CEP85L: variants seen among roughly 807,000 people sequenced by gnomAD.
The protein encoded by CEP85L is centrosomal protein 85L.
In CEP85L, 60 loss-of-function variants were observed where a neutral mutation model predicts 100.3. The observed-to-expected ratio is 0.60, with a 90% CI of 0.49 to 0.74. The LOEUF is 0.74. Among genes scored for constraint, CEP85L ranks in the 30% least tolerant of loss-of-function variants. The probability of loss-of-function intolerance (pLI) is 0.00; values close to 1 mark genes in which losing one functional copy is unlikely to be tolerated. For synonymous variants in CEP85L, 319 were observed against 322.7 expected, an observed-to-expected ratio of 0.99 and a Z score of 0.12; for missense variants, 973 against 936.2, an observed-to-expected ratio of 1.04 and a Z score of -0.51.
intron 3 of CEP85L, among the ~76,000 whole-genome samples, chr6:118,530,679 A>C (rs1408861747): frequency 6.6e-6 from 1 of 152,216 alleles, no homozygotes; most frequent in African/African-American, 2.4e-5. Flanking sequence ...CTCAGAATAC[A>C]AAATCAATGA....
rs148472801 is a variant in CEP85L at position 118,507,354 on chromosome 6, A to C, written c.1257+3944T>G. Among the ~76,000 whole-genome samples the C allele has an allele frequency of 3.7e-3, 565 of 152,294 alleles. 3 individuals carry two copies. Among genetic ancestry groups the C allele is most frequent in the African/African-American group, 0.013 (539 of 41,562 alleles). On this transcript the variant is annotated intron_variant, in intron 5 of 12. Coordinates refer to ENST00000368491, the MANE Select transcript of CEP85L (RefSeq NM_001042475.3). Reference sequence around the variant, plus strand: ...TTCTGACCACTACAGATAAAATTCAAATGTTCACATAACTTTTGGACTATT... The same window carrying C: ...TTCTGACCACTACAGATAAAATTCACATGTTCACATAACTTTTGGACTATT...
At chr6:118,501,187 C>T (rs1775276616) in intron 5 of CEP85L, among the ~76,000 whole-genome samples, 1 of 152,244 alleles carries the variant, frequency 6.6e-6, no homozygotes, top group Non-Finnish European at 1.5e-5. Context: ...TTTCCACATA[C>T]TCTTTGTAGA....
chr6:118,514,620 C>T (rs548758018), intron 4 of CEP85L, among the ~76,000 whole-genome samples: 46 of 151,888 alleles, frequency 3.0e-4, no homozygotes, highest in African/African-American at 1.1e-3. Context: ...TAGATACTCC[C>T]AAACAAAAGG....
chr6:118,603,567 A>G (rs1771962574), intron 2 of CEP85L, among the ~76,000 whole-genome samples: 1 of 152,226 alleles, frequency 6.6e-6, no homozygotes, highest in Non-Finnish European at 1.5e-5. Context: ...TGTTCATAGG[A>G]GTACACTCAA....
intron 5 of CEP85L, among the ~76,000 whole-genome samples, chr6:118,507,830 G>A (rs539617343): frequency 6.6e-6 from 1 of 152,242 alleles, no homozygotes; most frequent in South Asian, 2.1e-4. Flanking sequence ...GCTTTTGGAA[G>A]ATTAGCTTCT....
At position 118,470,644 on chromosome 6, in the gene CEP85L, A is replaced by G; in HGVS notation, c.1915T>C (p.Ser639Pro). 1 of 1,562,506 alleles carries G rather than the reference A, an allele frequency of 6.4e-7. No individual in the cohort carries two copies. The stretch of plus-strand genomic sequence containing the variant: ...TCTTTAGAAAGCTTTCCTTGCATAG[A>G]CTAGAATTTTTAAAAAAATTGGAAA... ...EIDRMILEIQ[S>P]MQGKLSKEKL... The change falls in exon 11 of 13, where the codon TCT (serine) becomes CCT (proline). Residue 639 changes from serine to proline, a missense_variant and splice_region_variant. By Grantham distance (74) the Ser-to-Pro change is moderately conservative. Coordinates refer to ENST00000368491, the MANE Select transcript of CEP85L (RefSeq NM_001042475.3).
chr6:118,511,565 T>C, intron 4 of CEP85L, 150 bp from the exon 5 acceptor site: 1 of 547,608 alleles, frequency 1.8e-6, no homozygotes, highest in Non-Finnish European at 3.2e-6. Context: ...CATAGCTTGC[T>C]TTAAGCAAGT....
At chr6:118,576,543 A>T (rs1780244750) in intron 2 of CEP85L, among the ~76,000 whole-genome samples, 1 of 152,232 alleles carries the variant, frequency 6.6e-6, no homozygotes, top group South Asian at 2.1e-4. Flanking sequence ...ATGCTTGTCT[A>T]GTCTTACCTT....
intron 3 of CEP85L, among the ~76,000 whole-genome samples, chr6:118,561,740 T>C (rs1779235651): frequency 1.3e-5 from 2 of 152,236 alleles, no homozygotes; most frequent in African/African-American, 4.8e-5. Context: ...ATAATACACT[T>C]ACAATTGATA....
intron 3 of CEP85L, among the ~76,000 whole-genome samples, chr6:118,562,440 T>C (rs1441654139): frequency 6.6e-6 from 1 of 152,182 alleles, no homozygotes; most frequent in Non-Finnish European, 1.5e-5. Flanking sequence ...CATTGCACAC[T>C]GCAGCCTTGA....
At chr6:118,472,719 C>A (rs1357542031) in intron 10 of CEP85L, among the ~76,000 whole-genome samples, 1 of 152,086 alleles carries the variant, frequency 6.6e-6, no homozygotes, top group African/African-American at 2.4e-5. Context: ...AGTGTTTGGC[C>A]TTGTGAATTT....
Position 118,600,300 on chromosome 6 carries a change from G to GGGGGGT in CEP85L, c.232+32152_232+32153insACCCCC, listed in dbSNP as rs1562297733. On this transcript the variant is annotated intron_variant, in intron 2 of 12. Coordinates refer to ENST00000368491, the MANE Select transcript of CEP85L (RefSeq NM_001042475.3). ...CTGCCTGTCCCTGAGCCTTCCTGGG[G>GGGGGGT]GTGTGTGTGTGTGTGTGTGTGTGTG... Among the ~76,000 whole-genome samples the GGGGGGT allele has an allele frequency of 4.2e-4, 22 of 52,244 alleles. 2 individuals are homozygous for GGGGGGT. The highest frequency in any genetic ancestry group is 7.3e-4 in the Non-Finnish European group (18 of 24,780). 34.3% of individuals were successfully genotyped at this position (52,244 alleles called of 152,430 possible). A position where few individuals can be genotyped will look rare whatever the true frequency, so the allele number is the denominator to read the frequency against.
At chr6:118,555,687 T>C (rs970341389) in intron 3 of CEP85L, among the ~76,000 whole-genome samples, 3 of 152,158 alleles carry the variant, frequency 2.0e-5, no homozygotes, top group Non-Finnish European at 4.4e-5. Context: ...GGGGTATGTG[T>C]GAAGGTTTGT....
intron 3 of CEP85L, among the ~76,000 whole-genome samples, chr6:118,560,967 A>T (rs748655513): frequency 4.6e-5 from 7 of 152,222 alleles, no homozygotes; most frequent in Admixed American, 2.0e-4. Flanking sequence ...GTAATTAACC[A>T]TATCTTCTAA....
At chr6:118,475,479 G>C (rs747974984) in intron 10 of CEP85L, among the ~76,000 whole-genome samples, 6 of 150,586 alleles carry the variant, frequency 4.0e-5, no homozygotes, top group Non-Finnish European at 7.4e-5. Flanking sequence ...TCAGCCTCCT[G>C]AGTAGCTGGG....
chr6:118,637,187 A>G (rs1300895950), intron 1 of CEP85L, among the ~76,000 whole-genome samples: 2 of 152,250 alleles, frequency 1.3e-5, no homozygotes, highest in Non-Finnish European at 2.9e-5. Context: ...AATGACAGAG[A>G]AAATGGTCTA....
At chr6:118,602,897 T>C (rs1781856324) in intron 2 of CEP85L, among the ~76,000 whole-genome samples, 2 of 151,994 alleles carry the variant, frequency 1.3e-5, no homozygotes, top group Non-Finnish European at 1.5e-5. Context: ...CTCAGCTCAC[T>C]GCAACCTCCA....
chr6:118,478,678 TTG>T (rs1302114832), intron 10 of CEP85L, among the ~76,000 whole-genome samples: 19 of 152,296 alleles, frequency 1.2e-4, no homozygotes, highest in African/African-American at 4.6e-4. Flanking sequence ...AATAAAAGAT[TTG>T]TGTTTGCTGA....
chr6:118,525,735 G>A (rs970165103), intron 3 of CEP85L, among the ~76,000 whole-genome samples: 33 of 152,324 alleles, frequency 2.2e-4, no homozygotes, highest in African/African-American at 7.5e-4. Context: ...AATTTCTGGT[G>A]TTTAAGCTAG....
Sources: allele counts gnomAD v4.1 joint callset (sites outside exome capture counted in the v4.1 genomes callset), GRCh38; gene constraint gnomAD v4.1.1; transcripts MANE v1.5; gene names NCBI Gene and HGNC (gene_info 2026-07-23, HGNC 2026-07-21).